CHRD: variants seen among roughly 807,000 people sequenced by gnomAD.
CHRD encodes the protein chordin.
Under a neutral mutation model 113.7 loss-of-function variants are expected in CHRD, and 69 were observed. The observed-to-expected ratio is 0.61, with a 90% confidence interval of 0.50 to 0.74. The LOEUF is 0.74. Among genes scored for constraint, CHRD ranks in the 30% least tolerant of loss-of-function variants. The pLI is 0.00. For synonymous variants in CHRD, 561 were observed against 540.8 expected, an observed-to-expected ratio of 1.04 and a Z score of -0.52; for missense variants, 1,194 against 1,295.8, an observed-to-expected ratio of 0.92 and a Z score of 1.21.
chr3:184,382,699 C>T (rs1321881115), exon 8 of CHRD: 1 of 1,613,974 alleles, frequency 6.2e-7, no homozygotes, highest in Non-Finnish European at 8.5e-7. Flanking sequence ...CATCACCCTG[C>T]TCACTCTCAG....
In CHRD at chr3:184,389,027, G is replaced by A. The variant is rs764708637; in HGVS notation, c.2812+32G>A. 3 of 1,491,710 alleles carry A rather than the reference G, an allele frequency of 2.0e-6. No homozygotes were observed. The African/African-American group carries it at 4.1e-5, about 20-fold the overall frequency. 92.4% of individuals were successfully genotyped at this position (1,491,710 alleles called of 1,614,324 possible). On this transcript the variant is annotated intron_variant, in intron 22 of 22. Coordinates refer to ENST00000204604, the Ensembl canonical transcript of CHRD. ...GAGGGAGTCCAGGGTCAGCAGCTGTGAGTGGAGGGCTCACCTGCCTGTGGG... is the reference window on the plus strand; with the variant it reads ...GAGGGAGTCCAGGGTCAGCAGCTGTAAGTGGAGGGCTCACCTGCCTGTGGG...
chr3:184,380,237 GCCCTCCGCACTCCCGCCTCCCT>G lies in CHRD; in HGVS notation c.-73_-52del. ...CGCACCGCCCCCGGCCCGGCCCTCC[GCCCTCCGCACTCCCGCCTCCCT>G]CCCTCCGCCCGCTCCCGCGCCCTCC... On this transcript the variant is annotated 5_prime_UTR_variant, in exon 1 of 23. Transcript: ENST00000204604. The surrounding 1 kb of genome is among the most constrained non-coding windows in gnomAD (Gnocchi z 6.3). 1 of 146,756 alleles carries G rather than the reference GCCCTCCGCACTCCCGCCTCCCT, an allele frequency of 6.8e-6. No individual in the cohort carries two copies. The highest frequency in any genetic ancestry group is 1.1e-5 in the Non-Finnish European group (1 of 93,360). The allele number at this position is 146,756 out of a possible 1,614,324, so 9.1% of individuals were successfully genotyped here.
chr3:184,385,976 C>T, intron 14 of CHRD, 70 bp from the exon 15 acceptor site: 1 of 1,490,214 alleles, frequency 6.7e-7, no homozygotes, highest in Non-Finnish European at 9.3e-7. Flanking sequence ...GTTTCTTCAT[C>T]TGTGAACTGG....
rs1369833947 is a variant in CHRD, at chr3:184,387,702, T to G, written c.2451+225T>G. Among the ~76,000 whole-genome samples, 2 of 152,184 alleles carry G rather than the reference T, an allele frequency of 1.3e-5. No individual in the cohort carries two copies. The highest frequency in any genetic ancestry group is 2.9e-5 in the Non-Finnish European group (2 of 68,022). On this transcript the variant is annotated intron_variant, in intron 19 of 22. Coordinates refer to ENST00000204604, the Ensembl canonical transcript of CHRD. This position sits in a 1 kb window ranked among gnomAD's most constrained non-coding sequence, Gnocchi z 6.1. ...GCCAGCTAACTAGTGCCAGTGACCC[T>G]AGGCACCTTCTGTCCCTGAGCCTCA... is the stretch of plus-strand genomic sequence containing the variant.
At chr3:184,386,257 T>C in intron 15 of CHRD, 98 bp downstream of exon 15, 1 of 1,383,724 alleles carries the variant, frequency 7.2e-7, no homozygotes, top group Non-Finnish European at 1.0e-6. Context: ...CTCTGAGTCC[T>C]GGGGGTGGTC....
chr3:184,385,521 C>T (rs1423035182), intron 14 of CHRD, among the ~76,000 whole-genome samples: 1 of 151,944 alleles, frequency 6.6e-6, no homozygotes, highest in African/African-American at 2.4e-5. Context: ...ACAAAATTAG[C>T]TGGGCGTGGT....
rs778866230 is a variant in CHRD, at chr3:184,387,146, A to G, written c.2347+39A>G. 9 of 1,580,834 alleles carry G rather than the reference A, an allele frequency of 5.7e-6. No homozygotes were observed. The highest frequency in any genetic ancestry group is 1.7e-4 in the Middle Eastern group (1 of 5,966). On this transcript the variant is annotated intron_variant, in intron 18 of 22. Transcript: ENST00000204604. This position sits in a 1 kb window ranked among gnomAD's most constrained non-coding sequence, Gnocchi z 6.1. ...GTGCGTGCAGGGTGGGAGGCCCCAG[A>G]GGAGCCATTAGGTTGAACCAGGAGG... is the stretch of plus-strand genomic sequence containing the variant.
At position 184,388,824 on chromosome 3, in the gene CHRD, A is replaced by G; in HGVS notation, c.2710-69A>G. The G allele has an allele frequency of 6.2e-7, 1 of 1,604,244 alleles. No homozygotes were observed. Among genetic ancestry groups the G allele is most frequent in the Non-Finnish European group, 8.5e-7 (1 of 1,172,552 alleles). ...GGAGACCTTCCCAGGGAGGTCCCTG[A>G]AGAAGCTGAAGGTCACTGTGTCCCA... On this transcript the variant is annotated intron_variant, in intron 21 of 22. Transcript: ENST00000204604. The surrounding 1 kb of genome is among the most constrained non-coding windows in gnomAD (Gnocchi z 6.1).
Position 184,387,852 on chromosome 3 carries a change from G to A in CHRD, c.2452-79G>A. On this transcript the variant is annotated intron_variant, in intron 19 of 22. Transcript: ENST00000204604. The surrounding 1 kb of genome is among the most constrained non-coding windows in gnomAD (Gnocchi z 6.1). ...AAGGCCACAGAGAGACTGCATTTGA[G>A]GTGTGGAATAGGAGAGGGAGTGGGC... 8.0e-7 allele frequency: 1 copy of A among 1,256,964 alleles called. No individual in the cohort carries two copies. The highest frequency in any genetic ancestry group is 2.0e-5 in the Admixed American group (1 of 50,564). 77.9% of individuals were successfully genotyped at this position (1,256,964 alleles called of 1,614,324 possible).
In CHRD at chr3:184,381,783, C is replaced by T. The variant is rs760253753; in HGVS notation, c.579C>T (p.Arg193=). ...CACGAGCCCGAGTCTCGCTGCTGCG[C>T]TCTAGCCTCCGCTTCTCTATCTCCT... is the stretch of plus-strand genomic sequence containing the variant. The change falls in exon 5 of 23, where the codon CGC becomes CGT. Residue 193 remains arginine, a synonymous_variant. Coordinates refer to ENST00000204604, the Ensembl canonical transcript of CHRD. The surrounding 1 kb of genome is among the most constrained non-coding windows in gnomAD (Gnocchi z 4.7). The T allele has an allele frequency of 1.2e-6, 2 of 1,613,256 alleles. No individual in the cohort carries two copies. Among genetic ancestry groups the T allele is most frequent in the Non-Finnish European group, 1.7e-6 (2 of 1,179,940 alleles).
chr3:184,385,941 CTTTA>C, intron 14 of CHRD, 101 bp from the exon 15 acceptor site: 1 of 1,210,432 alleles, frequency 8.3e-7, no homozygotes, highest in East Asian at 2.4e-5. Flanking sequence ...ACCATGAAGA[CTTTA>C]TTTAACCTCC....
chr3:184,380,533 A>T lies in CHRD; in HGVS notation c.148+67A>T. 1 of 1,018,504 alleles carries T rather than the reference A, an allele frequency of 9.8e-7. No homozygotes were observed. The highest frequency in any genetic ancestry group is 1.2e-6 in the Non-Finnish European group (1 of 836,868). The allele number at this position is 1,018,504 out of a possible 1,614,324, so 63.1% of individuals were successfully genotyped here. ...TCGGGGCGAGTCAGCGCCAGCCCGGAGGGGGCGCGGGGCGCAGGTGGCTCG... is the reference window on the plus strand; with the variant it reads ...TCGGGGCGAGTCAGCGCCAGCCCGGTGGGGGCGCGGGGCGCAGGTGGCTCG... On this transcript the variant is annotated intron_variant, in intron 1 of 22. Transcript: ENST00000204604. The surrounding 1 kb of genome is among the most constrained non-coding windows in gnomAD (Gnocchi z 6.3).
rs1187440903 is a variant in CHRD at position 184,388,507 on chromosome 3, C to T, written c.2555-80C>T. On this transcript the variant is annotated intron_variant, in intron 20 of 22. Coordinates refer to ENST00000204604, the Ensembl canonical transcript of CHRD. The surrounding 1 kb of genome is among the most constrained non-coding windows in gnomAD (Gnocchi z 6.1). ...ACCTACTAAGTGCCAGAAACTGCAACGTGCTGGGTATTCAAAGAGAATACT... is the reference window on the plus strand; with the variant it reads ...ACCTACTAAGTGCCAGAAACTGCAATGTGCTGGGTATTCAAAGAGAATACT... The T allele has an allele frequency of 9.5e-6, 14 of 1,476,418 alleles. No individual in the cohort carries two copies. The African/African-American group carries it at 1.3e-4, about 13-fold the overall frequency. The allele number at this position is 1,476,418 out of a possible 1,614,324, so 91.5% of individuals were successfully genotyped here.
At chr3:184,385,666 CAAAAAAAAAAAAAAAA>C (rs533681477) in intron 14 of CHRD, among the ~76,000 whole-genome samples, 1,094 of 39,438 alleles carry the variant, frequency 0.028, 24 homozygotes, top group Middle Eastern at 0.19. Flanking sequence ...AAATCCGTCT[CAAAAAAAAAAAAAAAA>C]AAAAAAAAAA....
Position 184,388,414 on chromosome 3 carries a change from T to TCCAA in CHRD, c.2555-170_2555-169insACCA, listed in dbSNP as rs1311721466. On this transcript the variant is annotated intron_variant, in intron 20 of 22. Coordinates refer to ENST00000204604, the Ensembl canonical transcript of CHRD. The surrounding 1 kb of genome is among the most constrained non-coding windows in gnomAD (Gnocchi z 6.1). ...ATCCATCCATCCATCCATCCATCCATCCATCCATCCATCCATCCGTCCCTT... is the reference window on the plus strand; with the variant it reads ...ATCCATCCATCCATCCATCCATCCATCCAACCATCCATCCATCCATCCGTCCCTT... Among the ~76,000 whole-genome samples the TCCAA allele has an allele frequency of 2.8e-4, 42 of 151,768 alleles. No individual in the cohort carries two copies. Among genetic ancestry groups the TCCAA allele is most frequent in the African/African-American group, 9.9e-4 (41 of 41,310 alleles).
Position 184,388,453 on chromosome 3 carries a change from A to G in CHRD, c.2555-134A>G, listed in dbSNP as rs1279656010. On this transcript the variant is annotated intron_variant, in intron 20 of 22. Coordinates refer to ENST00000204604, the Ensembl canonical transcript of CHRD. The surrounding 1 kb of genome is among the most constrained non-coding windows in gnomAD (Gnocchi z 6.1). ...CATCCGTCCCTTCATCCATCCATTCATCTGCCCACCCACCCATCCAAATTT... is the reference window on the plus strand; with the variant it reads ...CATCCGTCCCTTCATCCATCCATTCGTCTGCCCACCCACCCATCCAAATTT... The G allele has an allele frequency of 4.2e-6, 4 of 948,668 alleles. No homozygotes were observed. In the East Asian group the frequency reaches 7.3e-5, roughly 17 times the overall value. 58.8% of individuals were successfully genotyped at this position (948,668 alleles called of 1,614,324 possible). A position where few individuals can be genotyped will look rare whatever the true frequency, so the allele number is the denominator to read the frequency against.
In CHRD at chr3:184,380,600, G is replaced by T; in HGVS notation, c.149-92G>T. 1 of 1,140,816 alleles carries T rather than the reference G, an allele frequency of 8.8e-7. No individual in the cohort carries two copies. 70.7% of individuals were successfully genotyped at this position (1,140,816 alleles called of 1,614,324 possible). ...GGAGGGTGGGCGGGGGCAGAAGGGC[G>T]CGGTGCCTGGGACCCGGGACCCGCG... On this transcript the variant is annotated intron_variant, in intron 1 of 22. Coordinates refer to ENST00000204604, the Ensembl canonical transcript of CHRD. The surrounding 1 kb of genome is among the most constrained non-coding windows in gnomAD (Gnocchi z 6.3).
chr3:184,389,599 C>A (rs1019541721), exon 23 of CHRD: 4 of 610,312 alleles, frequency 6.6e-6, no homozygotes, highest in Middle Eastern at 8.8e-4. Context: ...GGAGAGGCAG[C>A]TGGGCCAGAC....
Position 184,381,614 on chromosome 3 carries a change from C to T in CHRD, c.501C>T (p.Asp167=). 1 of 1,605,878 alleles carries T rather than the reference C, an allele frequency of 6.2e-7. No individual in the cohort carries two copies. The highest frequency in any genetic ancestry group is 8.5e-7 in the Non-Finnish European group (1 of 1,176,088). ...GCGCTGAGGAGCGGGCCCGTGGTGA[C>T]GGCCACACGGGTAGGGGGCTGGCGA... The change falls in exon 4 of 23, where the codon GAC becomes GAT. Residue 167 remains aspartate (D), a synonymous_variant. Transcript: ENST00000204604. This position sits in a 1 kb window ranked among gnomAD's most constrained non-coding sequence, Gnocchi z 4.7.
Sources: gnomAD v4.1 joint callset for allele counts (sites outside exome capture counted in the v4.1 genomes callset) on GRCh38, gnomAD v4.1.1 for gene constraint, Gnocchi (gnomAD v3.1) non-coding constraint, MANE v1.5 for transcripts, NCBI Gene and HGNC (gene_info 2026-07-23, HGNC 2026-07-21) for gene names.